GRIN2A: variants seen among roughly 807,000 people sequenced by gnomAD.
GRIN2A encodes the protein glutamate receptor ionotropic, NMDA 2A.
In GRIN2A, 22 loss-of-function variants were observed where a neutral mutation model predicts 113.4. The ratio of observed to expected loss-of-function variants is 0.19; its 90% CI spans 0.14 to 0.28. The LOEUF (loss-of-function observed/expected upper bound fraction) is 0.28. Among genes scored for constraint, GRIN2A ranks in the 10% least tolerant of loss-of-function variants. The pLI is 1.00. For synonymous variants in GRIN2A, 827 were observed against 738.4 expected (o/e 1.12, Z -1.94); for missense variants, 1,502 against 1,887.0 (o/e 0.80, Z 3.78).
intron 2 of GRIN2A, among the ~76,000 whole-genome samples, chr16:10,071,364 C>T (rs1596477231): frequency 6.6e-6 from 1 of 152,086 alleles, no homozygotes; most frequent in South Asian, 2.1e-4. Context: ...AGGGGAAAAC[C>T]ACAAAGAGTC....
At chr16:9,976,920 T>C (rs1168170147) in intron 2 of GRIN2A, among the ~76,000 whole-genome samples, 2 of 152,134 alleles carry the variant, frequency 1.3e-5, no homozygotes, top group African/African-American at 4.8e-5. Flanking sequence ...GAATACAAAA[T>C]AGTTTTCTGC....
intron 3 of GRIN2A, among the ~76,000 whole-genome samples, chr16:9,914,905 C>CTTTTTTTT (rs869182389): frequency 3.0e-5 from 1 of 33,476 alleles, no homozygotes; most frequent in Non-Finnish European, 5.8e-5. Flanking sequence ...GATTATGCAG[C>CTTTTTTTT]TTTTTTTTTT....
chr16:9,948,552 C>T (rs1182424223), intron 2 of GRIN2A, among the ~76,000 whole-genome samples: 1 of 152,194 alleles, frequency 6.6e-6, no homozygotes, highest in Non-Finnish European at 1.5e-5. Flanking sequence ...GAGGACTAGG[C>T]AATGACATAA....
intron 4 of GRIN2A, among the ~76,000 whole-genome samples, chr16:9,882,432 CAT>C (rs1319712800): frequency 6.6e-6 from 1 of 152,064 alleles, no homozygotes; most frequent in East Asian, 1.9e-4. Context: ...CAAGACATAA[CAT>C]ATGGGGTGCA....
intron 3 of GRIN2A, among the ~76,000 whole-genome samples, chr16:9,893,553 G>T (rs938730874): frequency 1.1e-4 from 16 of 152,032 alleles, no homozygotes; most frequent in African/African-American, 3.9e-4. Flanking sequence ...TGCAACCTCC[G>T]CCTCCCAGGT....
chr16:9,900,771 C>T (rs1266235889), intron 3 of GRIN2A, among the ~76,000 whole-genome samples: 8 of 152,126 alleles, frequency 5.3e-5, no homozygotes, highest in Admixed American at 1.3e-4. Context: ...GCACCAAATG[C>T]GTCACCATTA....
At chr16:9,934,797 T>C (rs529314249) in intron 3 of GRIN2A, among the ~76,000 whole-genome samples, 23 of 151,332 alleles carry the variant, frequency 1.5e-4, no homozygotes, top group Admixed American at 2.0e-4. Context: ...AGGTTTCCAC[T>C]ATTCCCTGGG....
intron 11 of GRIN2A, among the ~76,000 whole-genome samples, chr16:9,789,363 C>G (rs939735852): frequency 6.6e-6 from 1 of 152,138 alleles, no homozygotes; most frequent in Non-Finnish European, 1.5e-5. Context: ...GGTACAGTCC[C>G]TCTCTCCCAG....
At chr16:10,025,089 G>T (rs1163200524) in intron 2 of GRIN2A, among the ~76,000 whole-genome samples, 1 of 151,900 alleles carries the variant, frequency 6.6e-6, no homozygotes, top group Non-Finnish European at 1.5e-5. Flanking sequence ...AGATGGAGAG[G>T]AAAAGAGAGG....
At chr16:10,178,612 A>G (rs946861373) in intron 2 of GRIN2A, among the ~76,000 whole-genome samples, 2 of 152,244 alleles carry the variant, frequency 1.3e-5, no homozygotes, top group Non-Finnish European at 2.9e-5. Context: ...AGCTACACAC[A>G]GGAATTCTGC....
chr16:9,965,477 G>A (rs561778284), intron 2 of GRIN2A, among the ~76,000 whole-genome samples: 3 of 152,206 alleles, frequency 2.0e-5, no homozygotes, highest in African/African-American at 7.2e-5. Flanking sequence ...TAGAATAAGA[G>A]ACTTTTGGGA....
chr16:10,179,784 C>T, intron 2 of GRIN2A: 2 of 605,390 alleles, frequency 3.3e-6, no homozygotes, highest in Non-Finnish European at 6.0e-6. Context: ...CTCCTGTGTA[C>T]ACCATTTTCA....
chr16:9,797,376 C>T (rs772035007), intron 11 of GRIN2A, among the ~76,000 whole-genome samples: 3 of 152,206 alleles, frequency 2.0e-5, no homozygotes, highest in East Asian at 3.8e-4. Flanking sequence ...TTCCAAGCCA[C>T]GGCCAGCCTC....
chr16:9,938,526 A>G lies in GRIN2A; in HGVS notation c.440T>C (p.Phe147Ser), dbSNP rs1227332120. The stretch of plus-strand genomic sequence containing the variant: ...GGCTTGCTGCTGGATGGACGCTCCA[A>G]ACTGGAAGAAGGTAGACGTCGGATC... ...DKDPTSTFFQ[F>S]GASIQQQATV... The change falls in exon 3 of 13, where the codon TTT (phenylalanine) becomes TCT (serine). Residue 147 changes from phenylalanine to serine, a missense_variant. This residue lies in a region of GRIN2A where 334 missense variants were observed against 403.0 expected (regional missense o/e 0.83). Transcript: ENST00000330684. The G allele has an allele frequency of 6.2e-7, 1 of 1,607,372 alleles. No homozygotes were observed. Among genetic ancestry groups the G allele is most frequent in the Admixed American group, 1.7e-5 (1 of 60,022 alleles).
intron 3 of GRIN2A, among the ~76,000 whole-genome samples, chr16:9,906,704 G>T (rs958299072): frequency 3.3e-5 from 5 of 152,202 alleles, no homozygotes; most frequent in Non-Finnish European, 5.9e-5. Context: ...TGAAGACACC[G>T]TTTGAGCCTG....
intron 10 of GRIN2A, among the ~76,000 whole-genome samples, chr16:9,810,218 G>A (rs1176546096): frequency 6.6e-6 from 1 of 152,162 alleles, no homozygotes; most frequent in South Asian, 2.1e-4. Flanking sequence ...ATACCTGTGT[G>A]CTGTGCATTC....
At chr16:9,837,482 C>A (rs1197760604) in intron 7 of GRIN2A, among the ~76,000 whole-genome samples, 1 of 152,070 alleles carries the variant, frequency 6.6e-6, no homozygotes, top group Non-Finnish European at 1.5e-5. Flanking sequence ...ATAAGACAAG[C>A]CAATTGATAT....
At chr16:10,010,874 G>A (rs778183235) in intron 2 of GRIN2A, among the ~76,000 whole-genome samples, 11 of 152,200 alleles carry the variant, frequency 7.2e-5, no homozygotes, top group Non-Finnish European at 1.6e-4. Context: ...CCAGGGGGCA[G>A]CAATCATATT....
chr16:10,026,861 G>C (rs78713354), intron 2 of GRIN2A, among the ~76,000 whole-genome samples: 3,277 of 152,246 alleles, frequency 0.022, 56 homozygotes, highest in South Asian at 0.061. Context: ...AGGAAGAACT[G>C]CACTTCCAGT....
Sources: gnomAD v4.1 joint callset for allele counts (sites outside exome capture counted in the v4.1 genomes callset) on GRCh38, gnomAD v4.1.1 for gene constraint, gnomAD v4.1.1 regional missense constraint, MANE v1.5 for transcripts, NCBI Gene and HGNC (gene_info 2026-07-23, HGNC 2026-07-21) for gene names.